Variants in NEK2 observed in about 807,000 individuals in gnomAD.
NEK2 encodes serine/threonine-protein kinase Nek2.
A neutral mutation model predicts 54.1 loss-of-function variants in NEK2; 28 were observed. The observed-to-expected ratio is 0.52, with a 90% CI of 0.38 to 0.71. The LOEUF (loss-of-function observed/expected upper bound fraction) is 0.71. NEK2 is among the 30% of genes least tolerant of loss of function. NEK2 has a pLI of 0.00. For synonymous variants in NEK2, 176 were observed against 193.1 expected, an observed-to-expected ratio of 0.91 and a Z score of 0.73; for missense variants, 407 against 531.5, an observed-to-expected ratio of 0.77 and a Z score of 2.30.
At chr1:211,660,778 A>G, downstream of NEK2, 1 of 693,268 alleles carries the variant, frequency 1.4e-6, no homozygotes, top group Admixed American at 1.8e-5. Context: ...CTGCAGGAAG[A>G]GCTCAATCAG....
chr1:211,671,319 G>T, intron 3 of NEK2, 35 bp from the exon 4 acceptor site: 2 of 1,474,718 alleles, frequency 1.4e-6, no homozygotes, highest in Non-Finnish European at 9.5e-7. Flanking sequence ...AGTGGAAGGT[G>T]TTAAGAGTTT....
chr1:211,675,499 T>TCG lies in NEK2; in HGVS notation c.-22_-21dup. 1 of 1,605,574 alleles carries TCG rather than the reference T, an allele frequency of 6.2e-7. No individual in the cohort carries two copies. The highest frequency in any genetic ancestry group is 2.2e-5 in the East Asian group (1 of 44,804). ...AGGCATGGCCGGCCAGTCGCCAGAG[T>TCG]CGCGCTGCCTCACGCAGGTTGCGCC... On this transcript the variant is annotated 5_prime_UTR_variant, in exon 1 of 8. Transcript: ENST00000366999.
At chr1:211,664,552 T>C (rs1021621394) in intron 7 of NEK2, among the ~76,000 whole-genome samples, 1 of 152,150 alleles carries the variant, frequency 6.6e-6, no homozygotes, top group African/African-American at 2.4e-5. Context: ...GGTGTAATGA[T>C]ACAAAGCCTC....
intron 3 of NEK2, among the ~76,000 whole-genome samples, chr1:211,672,817 G>T (rs1043996268): frequency 6.6e-6 from 1 of 152,082 alleles, no homozygotes; most frequent in Non-Finnish European, 1.5e-5. Flanking sequence ...TAATCCTTGA[G>T]TTTAATGCAT....
intron 4 of NEK2, 143 bp from the exon 5 acceptor site, chr1:211,670,550 G>GAAGAAACT: frequency 1.0e-6 from 1 of 979,186 alleles, no homozygotes; most frequent in Non-Finnish European, 1.5e-6. Flanking sequence ...CTTCTTATAA[G>GAAGAAACT]TAAGTTTCCC....
intron 7 of NEK2, among the ~76,000 whole-genome samples, chr1:211,664,366 G>A (rs566714329): frequency 6.6e-5 from 10 of 152,170 alleles, no homozygotes; most frequent in African/African-American, 1.7e-4. Flanking sequence ...AAATATGTTC[G>A]AATATTTACT....
intron 4 of NEK2, 44 bp from the exon 5 acceptor site, chr1:211,670,451 AT>A (rs758648750): frequency 1.3e-6 from 2 of 1,581,278 alleles, no homozygotes; most frequent in Non-Finnish European, 1.7e-6. Flanking sequence ...ACATTTTCAA[AT>A]TGTAAAAATG....
chr1:211,674,477 T>A lies in NEK2; in HGVS notation c.133A>T (p.Thr45Ser), dbSNP rs1374113223. ...VWKELDYGSMTEAEKQMLVSE... is the reference protein window; with the variant it reads ...VWKELDYGSMSEAEKQMLVSE... ...ACAAGCATCTGTTTCTCAGCTTCTG[T>A]CATGGAGCCATAGTCAAGTTCTTTC... The change falls in exon 2 of 8, where the codon ACA becomes TCA. Residue 45 changes from threonine to serine, a missense_variant. Thr to Ser is a moderately conservative substitution (Grantham distance 58). Transcript: ENST00000366999. 1.2e-6 allele frequency: 2 copies of A among 1,613,660 alleles called. No homozygotes were observed. Among genetic ancestry groups the A allele is most frequent in the Non-Finnish European group, 1.7e-6 (2 of 1,179,822 alleles).
chr1:211,665,812 C>A (rs923235781), intron 7 of NEK2, among the ~76,000 whole-genome samples: 3 of 152,160 alleles, frequency 2.0e-5, no homozygotes, highest in African/African-American at 7.2e-5. Flanking sequence ...TTATTGTGAT[C>A]ATCAATCTAA....
intron 6 of NEK2, among the ~76,000 whole-genome samples, chr1:211,668,305 A>G (rs796656685): frequency 2.0e-5 from 3 of 152,198 alleles, no homozygotes; most frequent in African/African-American, 7.2e-5. Flanking sequence ...GAAGAACCTC[A>G]CTCTGTAGCT....
chr1:211,660,722 C>T, downstream of NEK2: 2 of 677,822 alleles, frequency 3.0e-6, no homozygotes, highest in South Asian at 2.9e-5. Context: ...CCTGGGGGTG[C>T]TGTGATGGGG....
At chr1:211,671,026 A>C (rs1655367748) in intron 4 of NEK2, 176 bp downstream of exon 4, 1 of 580,812 alleles carries the variant, frequency 1.7e-6, no homozygotes, top group Non-Finnish European at 3.1e-6. Context: ...TTATAGTTTT[A>C]ATTTGTGAAT....
rs2230489 is a variant in NEK2, at chr1:211,667,156, T to C, written c.1061A>G (p.Asn354Ser). The C allele has an allele frequency of 0.14, 227,222 of 1,613,078 alleles. 16,942 individuals carry two copies. Among genetic ancestry groups the C allele is most frequent in the East Asian group, 0.23 (10,498 of 44,768 alleles). The change falls in exon 7 of 8, where the codon AAC becomes AGC. Residue 354 changes from asparagine to serine, a missense_variant. Physicochemically the swap from Asn to Ser is conservative, Grantham distance 46. Coordinates refer to ENST00000366999, the MANE Select transcript of NEK2 (RefSeq NM_002497.4). ...CTTCCGTTCCTTTAGCAAGCTGTAG[T>C]TCTTCAACAGATTTTCTGCTCTAGC... ...KLARAENLLK[N>S]YSLLKERKFL...
chr1:211,665,932 T>C (rs1198935481), intron 7 of NEK2, among the ~76,000 whole-genome samples: 2 of 152,246 alleles, frequency 1.3e-5, no homozygotes, highest in East Asian at 1.9e-4. Flanking sequence ...CTTTCATATA[T>C]GCTGTCCTAC....
downstream of NEK2, chr1:211,658,825 A>C: frequency 3.8e-6 from 1 of 264,108 alleles, no homozygotes; most frequent in South Asian, 3.3e-5. Context: ...GTGTGCACCC[A>C]GTTTTATGCC....
At chr1:211,660,072 C>T (rs116430086), downstream of NEK2, 417 of 171,370 alleles carry the variant, frequency 2.4e-3, 1 homozygote, top group African/African-American at 7.5e-3. Context: ...ATCCTCCCTC[C>T]TTGGCCACCA....
rs930326563 is a variant in NEK2, at chr1:211,675,600, A to G, written c.-121T>C. On this transcript the variant is annotated 5_prime_UTR_variant, in exon 1 of 8. Transcript: ENST00000366999. ...AGCCCCCGAGCAGCACTGACCCGCCACCCCTGCCTTGGGCCCCGTTTAACC... is the reference window on the plus strand; with the variant it reads ...AGCCCCCGAGCAGCACTGACCCGCCGCCCCTGCCTTGGGCCCCGTTTAACC... The G allele has an allele frequency of 9.7e-6, 7 of 724,512 alleles. No homozygotes were observed. In the East Asian group the frequency reaches 1.4e-4, roughly 14 times the overall value. 44.9% of individuals were successfully genotyped at this position (724,512 alleles called of 1,614,324 possible).
chr1:211,667,069 T>C, intron 7 of NEK2, 37 bp downstream of exon 7: 1 of 1,612,644 alleles, frequency 6.2e-7, no homozygotes, highest in Non-Finnish European at 8.5e-7. Flanking sequence ...TCTTCATTTG[T>C]AGCACCAGCT....
At chr1:211,659,658 C>T (rs1018768273), downstream of NEK2, among the ~76,000 whole-genome samples, 2 of 152,188 alleles carry the variant, frequency 1.3e-5, no homozygotes, top group Admixed American at 6.5e-5. Flanking sequence ...ATTTTCAAAA[C>T]AGTCAGTAAC....
Sources: gnomAD v4.1 joint callset for allele counts (sites outside exome capture counted in the v4.1 genomes callset) on GRCh38, gnomAD v4.1.1 for gene constraint, MANE v1.5 for transcripts, NCBI Gene and HGNC (gene_info 2026-07-23, HGNC 2026-07-21) for gene names.